Variants in SRSF9 observed in about 807,000 individuals in gnomAD.
SRSF9 encodes the protein serine/arginine-rich splicing factor 9.
A neutral mutation model predicts 25.9 loss-of-function variants in SRSF9; 3 were observed. The observed-to-expected ratio is 0.12, with a 90% CI of 0.05 to 0.30. The LOEUF is 0.30. Among genes scored for constraint, SRSF9 ranks in the 10% least tolerant of loss-of-function variants. The pLI is 1.00. For missense variants in SRSF9, 161 were observed against 303.5 expected (o/e 0.53, Z 3.49); for synonymous variants, 114 against 113.2 (o/e 1.01, Z -0.05).
rs1189232889 is a variant in SRSF9, at chr12:120,469,692, G to A, written c.-83C>T. On this transcript the variant is annotated 5_prime_UTR_variant, in exon 1 of 4. Transcript: ENST00000229390. ...ACGGGTCCCCCCGCAGCGTCCCCGC[G>A]GGCTCCGAGGCGCTCAGCCGCACTG... is the stretch of plus-strand genomic sequence containing the variant. The A allele has an allele frequency of 2.2e-6, 2 of 905,108 alleles. No individual in the cohort carries two copies. Among genetic ancestry groups the A allele is most frequent in the South Asian group, 5.3e-5 (1 of 19,004 alleles). 56.1% of individuals were successfully genotyped at this position (905,108 alleles called of 1,614,324 possible).
At chr12:120,463,854 G>A (rs1316738127) in intron 3 of SRSF9, 96 bp downstream of exon 3, 9 of 1,405,980 alleles carry the variant, frequency 6.4e-6, no homozygotes, top group Non-Finnish European at 8.7e-6. Flanking sequence ...GGTACTGTGA[G>A]GTTACCAAAT....
Position 120,464,130 on chromosome 12 carries a change from T to C in SRSF9, c.350-8A>G. The C allele has an allele frequency of 6.2e-7, 1 of 1,609,740 alleles. No individual in the cohort carries two copies. Among genetic ancestry groups the C allele is most frequent in the African/African-American group, 1.3e-5 (1 of 74,918 alleles). On this transcript the variant is annotated splice_polypyrimidine_tract_variant and splice_region_variant and intron_variant, in intron 2 of 3. Transcript: ENST00000229390. Reference sequence around the variant, plus strand: ...TGCCTGACGGAGGAAGTCCTAGGCATGGAGAACATAAGAAAGCCCACATCC... The same window carrying C: ...TGCCTGACGGAGGAAGTCCTAGGCACGGAGAACATAAGAAAGCCCACATCC...
Position 120,465,797 on chromosome 12 carries a change from A to G in SRSF9, c.189-10T>C. On this transcript the variant is annotated splice_polypyrimidine_tract_variant and intron_variant, in intron 1 of 3. Transcript: ENST00000229390. ...AGCATCCTCTGCATCTCTAAAAAAA[A>G]CAACAACAACAAAAAAAACGTTTGG... 1 of 1,566,410 alleles carries G rather than the reference A, an allele frequency of 6.4e-7. No homozygotes were observed. Among genetic ancestry groups the G allele is most frequent in the South Asian group, 1.2e-5 (1 of 81,048 alleles).
At position 120,469,723 on chromosome 12, in the gene SRSF9, T is replaced by A; in HGVS notation, c.-114A>T. 1.7e-6 allele frequency: 1 copy of A among 596,988 alleles called. No individual in the cohort carries two copies. Among genetic ancestry groups the A allele is most frequent in the Non-Finnish European group, 2.3e-6 (1 of 431,170 alleles). 37.0% of individuals were successfully genotyped at this position (596,988 alleles called of 1,614,324 possible). On this transcript the variant is annotated 5_prime_UTR_variant, in exon 1 of 4. Coordinates refer to ENST00000229390, the MANE Select transcript of SRSF9 (RefSeq NM_003769.3). Reference sequence around the variant, plus strand: ...CGAGGCGCTCAGCCGCACTGCATTGTGGGAACGCGGAGCGGAAGCGAAGGG... The same window carrying A: ...CGAGGCGCTCAGCCGCACTGCATTGAGGGAACGCGGAGCGGAAGCGAAGGG...
Position 120,469,559 on chromosome 12 carries a change from G to A in SRSF9, c.51C>T (p.Tyr17=), listed in dbSNP as rs993551495. Residue 17 remains tyrosine, a synonymous_variant, in exon 1 of 4, where the codon TAC becomes TAT. Coordinates refer to ENST00000229390, the MANE Select transcript of SRSF9 (RefSeq NM_003769.3). ...GCACGTCGGTCGGAAGGTTCCCCAC[G>A]TAGATGCGCCCGTCGCCCTCGCCGC... is the stretch of plus-strand genomic sequence containing the variant. ...ERGGEGDGRI[Y]VGNLPTDVRE... 2.4e-5 allele frequency: 37 copies of A among 1,573,716 alleles called. 1 individual carries two copies. The Admixed American group carries it at 3.3e-4, about 14-fold the overall frequency.
At chr12:120,468,798 T>C (rs898548305) in intron 1 of SRSF9, among the ~76,000 whole-genome samples, 1 of 152,170 alleles carries the variant, frequency 6.6e-6, no homozygotes, top group African/African-American at 2.4e-5. Flanking sequence ...CTGGAACCTT[T>C]AGCATCTCGC....
intron 3 of SRSF9, 61 bp downstream of exon 3, chr12:120,463,889 T>C (rs1878423144): frequency 2.0e-6 from 3 of 1,537,676 alleles, no homozygotes; most frequent in Admixed American, 4.0e-5. Context: ...CTACCTCTGC[T>C]AGGTCAGGTT....
chr12:120,469,699 G>C lies in SRSF9; in HGVS notation c.-90C>G. 2 of 836,254 alleles carry C rather than the reference G, an allele frequency of 2.4e-6. No homozygotes were observed. The highest frequency in any genetic ancestry group is 3.1e-6 in the Non-Finnish European group (2 of 644,992). The allele number at this position is 836,254 out of a possible 1,614,324, so 51.8% of individuals were successfully genotyped here. Reference sequence around the variant, plus strand: ...CCCCCGCAGCGTCCCCGCGGGCTCCGAGGCGCTCAGCCGCACTGCATTGTG... The same window carrying C: ...CCCCCGCAGCGTCCCCGCGGGCTCCCAGGCGCTCAGCCGCACTGCATTGTG... On this transcript the variant is annotated 5_prime_UTR_variant, in exon 1 of 4. Coordinates refer to ENST00000229390, the MANE Select transcript of SRSF9 (RefSeq NM_003769.3).
At chr12:120,466,133 G>A (rs3893104) in intron 1 of SRSF9, among the ~76,000 whole-genome samples, 39,328 of 152,084 alleles carry the variant, frequency 0.26, 5,945 homozygotes, top group East Asian at 0.5. Flanking sequence ...TCTAATCTTC[G>A]TGAGCATTTT....
intron 1 of SRSF9, among the ~76,000 whole-genome samples, chr12:120,467,573 T>C (rs1244828021): frequency 6.6e-6 from 1 of 152,148 alleles, no homozygotes; most frequent in East Asian, 1.9e-4. Flanking sequence ...TAGTCATCTC[T>C]GGGTAAGTGT....
chr12:120,468,261 C>G (rs1377211430), intron 1 of SRSF9, among the ~76,000 whole-genome samples: 1 of 151,784 alleles, frequency 6.6e-6, no homozygotes, highest in Non-Finnish European at 1.5e-5. Context: ...GGTGAAACCC[C>G]TAATTTATCA....
chr12:120,468,466 A>T (rs1007323776), intron 1 of SRSF9, among the ~76,000 whole-genome samples: 1 of 151,898 alleles, frequency 6.6e-6, no homozygotes, highest in African/African-American at 2.4e-5. Context: ...GTCAGAGTCG[A>T]CTCTTCAGCC....
Position 120,463,934 on chromosome 12 carries a change from G to A in SRSF9, c.522+16C>T. The A allele has an allele frequency of 6.3e-7, 1 of 1,590,284 alleles. No individual in the cohort carries two copies. The highest frequency in any genetic ancestry group is 8.6e-7 in the Non-Finnish European group (1 of 1,168,938). ...TGATTTGAGTACAAGCTCCTCAACAGAAGGCAAGGACCCACCTCATGAGAG... is the reference window on the plus strand; with the variant it reads ...TGATTTGAGTACAAGCTCCTCAACAAAAGGCAAGGACCCACCTCATGAGAG... On this transcript the variant is annotated intron_variant, in intron 3 of 3. Transcript: ENST00000229390.
chr12:120,463,927 C>G, intron 3 of SRSF9, 23 bp downstream of exon 3: 1 of 1,584,880 alleles, frequency 6.3e-7, no homozygotes, highest in Non-Finnish European at 8.6e-7. Context: ...GTACAAGCTC[C>G]TCAACAGAAG....
At chr12:120,468,886 A>T (rs2090710924) in intron 1 of SRSF9, among the ~76,000 whole-genome samples, 1 of 152,122 alleles carries the variant, frequency 6.6e-6, no homozygotes, top group Non-Finnish European at 1.5e-5. Flanking sequence ...CGAATCCGTG[A>T]TCCCTTTACA....
chr12:120,466,776 T>G (rs519058), intron 1 of SRSF9, among the ~76,000 whole-genome samples: 3,435 of 152,244 alleles, frequency 0.023, 128 homozygotes, highest in African/African-American at 0.078. Context: ...GCTCAGGCGA[T>G]CCTTCCCCTC....
At chr12:120,463,419 A>C (rs553421702) in intron 3 of SRSF9, 1 of 152,276 alleles carries the variant, frequency 6.6e-6, no homozygotes, top group East Asian at 1.9e-4. Flanking sequence ...AAATTAGAGA[A>C]ATATAAAAAT....
Position 120,469,661 on chromosome 12 carries a change from C to G in SRSF9, c.-52G>C, listed in dbSNP as rs1878591902. The stretch of plus-strand genomic sequence containing the variant: ...CCGCAGCCCACGTCGCCGCCGCCGC[C>G]TCAGCACGGGTCCCCCCGCAGCGTC... On this transcript the variant is annotated 5_prime_UTR_variant, in exon 1 of 4. Transcript: ENST00000229390. 1 of 1,156,946 alleles carries G rather than the reference C, an allele frequency of 8.6e-7. No individual in the cohort carries two copies. The highest frequency in any genetic ancestry group is 1.1e-6 in the Non-Finnish European group (1 of 921,562). 71.7% of individuals were successfully genotyped at this position (1,156,946 alleles called of 1,614,324 possible).
chr12:120,463,068 C>G (rs571097855), intron 3 of SRSF9: 3 of 152,252 alleles, frequency 2.0e-5, no homozygotes, highest in Admixed American at 6.5e-5. Flanking sequence ...ACCTGTGTCC[C>G]CAAACATCCG....
Sources: allele counts gnomAD v4.1 joint callset (sites outside exome capture counted in the v4.1 genomes callset), GRCh38; gene constraint gnomAD v4.1.1; transcripts MANE v1.5; gene names NCBI Gene and HGNC (gene_info 2026-07-23, HGNC 2026-07-21).